Variants in DHX33 observed in about 807,000 individuals in gnomAD.
The protein encoded by DHX33 is DEAH-box helicase 33.
In DHX33, 42 loss-of-function variants were observed where a neutral mutation model predicts 72.5. The observed-to-expected ratio is 0.58, with a 90% CI of 0.45 to 0.75. The LOEUF (loss-of-function observed/expected upper bound fraction) is 0.75, where lower values mean the gene tolerates loss of function less well. DHX33 is among the 30% of genes least tolerant of loss of function. DHX33 has a pLI of 0.00. For missense variants in DHX33, 842 were observed against 917.5 expected, an observed-to-expected ratio of 0.92 and a Z score of 1.06; for synonymous variants, 358 against 366.1, an observed-to-expected ratio of 0.98 and a Z score of 0.25.
chr17:5,468,443 T>G, intron 1 of DHX33, 128 bp downstream of exon 1: 1 of 1,263,360 alleles, frequency 7.9e-7, no homozygotes. Context: ...TCTCCAGGTC[T>G]GGCCCAGAAA....
chr17:5,453,269 G>A (rs1260629969), intron 8 of DHX33, among the ~76,000 whole-genome samples: 2 of 152,186 alleles, frequency 1.3e-5, no homozygotes, highest in East Asian at 3.9e-4. Flanking sequence ...CATGCCTGTG[G>A]TCCCAGCTAC....
At chr17:5,453,770 A>G in intron 7 of DHX33, 51 bp downstream of exon 7, 1 of 1,613,024 alleles carries the variant, frequency 6.2e-7, no homozygotes, top group Non-Finnish European at 8.5e-7. Context: ...CTGGGCAAGC[A>G]GGAGAGACAT....
rs887143204 is a variant in DHX33 at position 5,468,617 on chromosome 17, C to T, written c.243G>A (p.Gly81=). The change falls in exon 1 of 12, where the codon GGG becomes GGA. Residue 81 remains glycine (G), a synonymous_variant. Transcript: ENST00000225296. ...GGTTTCGGAGCTGGGCCAACAGTTG[C>T]CCCCGCGCTTGGAAGATGGGCAGAC... The part of the protein sequence containing the change: ...RRSLPIFQAR[G]QLLAQLRNLD... 24 of 1,610,226 alleles carry T rather than the reference C, an allele frequency of 1.5e-5. No individual in the cohort carries two copies. The highest frequency in any genetic ancestry group is 4.0e-5 in the African/African-American group (3 of 74,896).
chr17:5,446,544 A>G lies in DHX33; in HGVS notation c.1816-2031T>C, dbSNP rs143006497. Among the ~76,000 whole-genome samples, 1,455 of 152,320 alleles carry G rather than the reference A, an allele frequency of 9.6e-3. 17 individuals carry two copies. Among genetic ancestry groups the G allele is most frequent in the African/African-American group, 0.033 (1,382 of 41,556 alleles). On this transcript the variant is annotated intron_variant, in intron 11 of 11. Coordinates refer to ENST00000225296, the MANE Select transcript of DHX33 (RefSeq NM_020162.4). ...AGGTCTGAGTTGAAAAAGAAAAAAA[A>G]AGAAATGAGGAGTTTAAATAAGGCA...
rs376961221 is a variant in DHX33, at chr17:5,453,950, C to T, written c.1178G>A (p.Arg393Gln). 5.2e-5 allele frequency: 84 copies of T among 1,613,918 alleles called. No homozygotes were observed. Among genetic ancestry groups the T allele is most frequent in the African/African-American group, 2.3e-4 (17 of 74,926 alleles). ...CTGCCAAGCCTGCGTCTTCGATACC[C>T]GCTGCACTGCTAACACCTCAAGACC... The part of the protein sequence containing the change: ...DSGLEVLAVQ[R>Q]VSKTQAWQRT... Residue 393 changes from arginine to glutamine, a missense_variant, in exon 7 of 12, where the codon CGG becomes CAG. Coordinates refer to ENST00000225296, the MANE Select transcript of DHX33 (RefSeq NM_020162.4).
rs961866643 is a variant in DHX33 at position 5,453,687 on chromosome 17, C to G, written c.1308-19G>C. ...GTTACACCTGTGAAGAGCATGAGACCAGGGTCATGACCTGATCCCTCTGCC... is the reference window on the plus strand; with the variant it reads ...GTTACACCTGTGAAGAGCATGAGACGAGGGTCATGACCTGATCCCTCTGCC... On this transcript the variant is annotated intron_variant, in intron 7 of 11. Transcript: ENST00000225296. 6.2e-7 allele frequency: 1 copy of G among 1,613,330 alleles called. No homozygotes were observed. The highest frequency in any genetic ancestry group is 8.5e-7 in the Non-Finnish European group (1 of 1,179,324).
chr17:5,441,968 C>T lies in DHX33; in HGVS notation c.*2237G>A, dbSNP rs1379508418. The stretch of plus-strand genomic sequence containing the variant: ...GGAATGCAGTGGCGTGATCTTGGCT[C>T]ACTACAAACTCTGCCTCCCAAGTTC... On this transcript the variant is annotated 3_prime_UTR_variant, in exon 12 of 12. Transcript: ENST00000225296. 1 of 152,198 alleles carries T rather than the reference C, an allele frequency of 6.6e-6. No homozygotes were observed. Among genetic ancestry groups the T allele is most frequent in the African/African-American group, 2.4e-5 (1 of 41,428 alleles). The allele number at this position is 152,198 out of a possible 1,614,324, so 9.4% of individuals were successfully genotyped here.
chr17:5,466,281 G>A (rs1272605845), intron 1 of DHX33, among the ~76,000 whole-genome samples: 2 of 152,306 alleles, frequency 1.3e-5, no homozygotes, highest in East Asian at 1.9e-4. Context: ...CCCAACCATA[G>A]GCTAATGTAC....
chr17:5,449,562 G>A lies in DHX33; in HGVS notation c.1728+641C>T, dbSNP rs572681425. Among the ~76,000 whole-genome samples the A allele has an allele frequency of 1.1e-4, 16 of 152,222 alleles. No individual in the cohort carries two copies. In the East Asian group the frequency reaches 2.9e-3, roughly 28 times the overall value. ...AATGATTCTCATGCCTCAGCCTCCC[G>A]AGTAGCTGGGATTACAGGTATGCAC... is the stretch of plus-strand genomic sequence containing the variant. On this transcript the variant is annotated intron_variant, in intron 10 of 11. Transcript: ENST00000225296.
chr17:5,445,981 C>CT (rs1322858286), intron 11 of DHX33, among the ~76,000 whole-genome samples: 4 of 151,962 alleles, frequency 2.6e-5, no homozygotes, highest in Non-Finnish European at 5.9e-5. Context: ...GAAGAAGATA[C>CT]TTTTTTTTAA....
chr17:5,459,846 C>T (rs914990314), intron 4 of DHX33, among the ~76,000 whole-genome samples: 3 of 150,672 alleles, frequency 2.0e-5, no homozygotes, highest in African/African-American at 7.4e-5. Flanking sequence ...CAGGGTTTTG[C>T]TATGTTGTCA....
At chr17:5,456,547 A>G (rs190653085) in intron 4 of DHX33, among the ~76,000 whole-genome samples, 1 of 152,196 alleles carries the variant, frequency 6.6e-6, no homozygotes, top group African/African-American at 2.4e-5. Flanking sequence ...GCTGCTTGCC[A>G]CTCCACTCCA....
chr17:5,455,130 G>A (rs1179488171), intron 6 of DHX33, 30 bp downstream of exon 6: 3 of 1,572,316 alleles, frequency 1.9e-6, no homozygotes, highest in Non-Finnish European at 8.8e-7. Context: ...CTAGACACAG[G>A]AGAGACATTC....
Position 5,468,957 on chromosome 17 carries a change from C to A in DHX33, c.-98G>T. The A allele has an allele frequency of 2.6e-6, 3 of 1,142,222 alleles. No individual in the cohort carries two copies. The highest frequency in any genetic ancestry group is 3.7e-6 in the Non-Finnish European group (3 of 810,230). The allele number at this position is 1,142,222 out of a possible 1,614,324, so 70.8% of individuals were successfully genotyped here. ...GCACACCGCCCCTTCCTCGCCGCCACGTGCTGGCGGCTCCCGGCGACCACC... is the reference window on the plus strand; with the variant it reads ...GCACACCGCCCCTTCCTCGCCGCCAAGTGCTGGCGGCTCCCGGCGACCACC... On this transcript the variant is annotated 5_prime_UTR_variant, in exon 1 of 12. Coordinates refer to ENST00000225296, the MANE Select transcript of DHX33 (RefSeq NM_020162.4).
chr17:5,450,404 G>A lies in DHX33; in HGVS notation c.1527C>T (p.Thr509=). The part of the protein sequence containing the change: ...AFPLEPKFAK[T]ILMSPKFHCT... The stretch of plus-strand genomic sequence containing the variant: ...AGTGGAATTTGGGGGACATGAGGAT[G>A]GTCTGCAAAGCAAAATTTAAAATTG... The change falls in exon 10 of 12, where the codon ACC becomes ACT. Residue 509 remains threonine (T), a splice_region_variant and synonymous_variant. Transcript: ENST00000225296. 1 of 1,613,352 alleles carries A rather than the reference G, an allele frequency of 6.2e-7. No individual in the cohort carries two copies. Among genetic ancestry groups the A allele is most frequent in the South Asian group, 1.1e-5 (1 of 91,050 alleles).
chr17:5,464,866 C>T (rs1203465852), intron 1 of DHX33, among the ~76,000 whole-genome samples: 1 of 152,216 alleles, frequency 6.6e-6, no homozygotes, highest in African/African-American at 2.4e-5. Context: ...TGCCCTCACA[C>T]TGCCTGCCTC....
In DHX33 at chr17:5,448,977, T is replaced by C. The variant is rs1916776850; in HGVS notation, c.1729-82A>G. 6 of 1,045,248 alleles carry C rather than the reference T, an allele frequency of 5.7e-6. No homozygotes were observed. In the Admixed American group the frequency reaches 6.5e-5, roughly 11 times the overall value. The allele number at this position is 1,045,248 out of a possible 1,614,324, so 64.7% of individuals were successfully genotyped here. ...AGAGACGGGGTCTTGCTCTGTTCCCTAGGCTGGAGTGCAGTGATACAATCA... is the reference window on the plus strand; with the variant it reads ...AGAGACGGGGTCTTGCTCTGTTCCCCAGGCTGGAGTGCAGTGATACAATCA... On this transcript the variant is annotated intron_variant, in intron 10 of 11. Coordinates refer to ENST00000225296, the MANE Select transcript of DHX33 (RefSeq NM_020162.4).
chr17:5,464,420 T>A (rs970752371), intron 1 of DHX33, among the ~76,000 whole-genome samples: 1 of 152,204 alleles, frequency 6.6e-6, no homozygotes, highest in African/African-American at 2.4e-5. Context: ...TACCCTGTGT[T>A]GGTAAAGCCT....
intron 5 of DHX33, 92 bp downstream of exon 5, chr17:5,455,905 C>G: frequency 7.2e-7 from 1 of 1,396,262 alleles, no homozygotes; most frequent in Non-Finnish European, 9.8e-7. Flanking sequence ...TCCCATACAC[C>G]TTATCTGGAG....
Sources: allele counts gnomAD v4.1 joint callset (sites outside exome capture counted in the v4.1 genomes callset), GRCh38; gene constraint gnomAD v4.1.1; transcripts MANE v1.5; gene names NCBI Gene and HGNC (gene_info 2026-07-23, HGNC 2026-07-21).